The following TPH1 variants were observed in gnomAD, a reference collection of about 807,000 sequenced individuals.
TPH1 encodes the protein tryptophan hydroxylase 1, also known as tryptophan 5-hydroxylase 1.
Under a neutral mutation model 49.5 loss-of-function variants are expected in TPH1, and 37 were observed. That is an observed-to-expected ratio of 0.75 (90% CI 0.58 to 0.98). TPH1 has a LOEUF of 0.98. Ranked by LOEUF, TPH1 falls within the 50% of genes least tolerant of loss-of-function variation. The probability of loss-of-function intolerance (pLI) is 0.00; values close to 1 mark genes in which losing one functional copy is unlikely to be tolerated. For missense variants in TPH1, 487 were observed against 523.6 expected, an observed-to-expected ratio of 0.93 and a Z score of 0.68; for synonymous variants, 160 against 182.1, an observed-to-expected ratio of 0.88 and a Z score of 0.98.
chr11:18,023,982 C>A lies in TPH1; in HGVS notation c.932G>T (p.Cys311Phe). 1 of 1,607,416 alleles carries A rather than the reference C, an allele frequency of 6.2e-7. No homozygotes were observed. Among genetic ancestry groups the A allele is most frequent in the South Asian group, 1.1e-5 (1 of 90,946 alleles). ...ACCAAACTCCACAGTGAAAAAGTAG[C>A]ACTGCAAAAGAACATCAATATTATT... ...SEEAVQKLAT[C>F]YFFTVEFGLC... Residue 311 changes from cysteine to phenylalanine, a missense_variant and splice_region_variant, in exon 9 of 11, where the codon TGC (cysteine) becomes TTC (phenylalanine). By Grantham distance (205) the Cys-to-Phe change is radical. Transcript: ENST00000682019.
rs761656510 is a variant in TPH1 at position 18,029,513 on chromosome 11, G to C, written c.469C>G (p.His157Asp). The change falls in exon 5 of 11, where the codon CAT becomes GAT. Residue 157 changes from histidine (H) to aspartate (D), a missense_variant and splice_region_variant. Coordinates refer to ENST00000682019, the MANE Select transcript of TPH1 (RefSeq NM_004179.3). ...CTATATTTTTTTAAATATACTTACT[G>C]TTTATAGTTCATAGCCAAGTCCGCA... is the stretch of plus-strand genomic sequence containing the variant. ...YFADLAMNYKHGDPIPKVEFT... is the reference protein window; with the variant it reads ...YFADLAMNYKDGDPIPKVEFT... 1 of 1,608,872 alleles carries C rather than the reference G, an allele frequency of 6.2e-7. No individual in the cohort carries two copies. The highest frequency in any genetic ancestry group is 1.1e-5 in the South Asian group (1 of 90,702).
At chr11:18,030,440 A>G (rs1847976366) in intron 4 of TPH1, among the ~76,000 whole-genome samples, 1 of 151,962 alleles carries the variant, frequency 6.6e-6, no homozygotes, top group South Asian at 2.1e-4. Flanking sequence ...AAAAAATCAA[A>G]AATCAAAGCC....
At chr11:18,026,709 A>G in intron 6 of TPH1, 84 bp from the exon 7 acceptor site, 2 of 1,527,804 alleles carry the variant, frequency 1.3e-6, no homozygotes, top group Admixed American at 3.4e-5. Context: ...AGTGGCACCA[A>G]GTAACACGTT....
intron 1 of TPH1, among the ~76,000 whole-genome samples, chr11:18,042,769 T>C (rs1848110050): frequency 6.6e-6 from 1 of 152,208 alleles, no homozygotes. Flanking sequence ...AGTAATGAAA[T>C]AGACATTCTA....
At chr11:18,036,607 T>A (rs1269646958) in intron 2 of TPH1, among the ~76,000 whole-genome samples, 1 of 152,168 alleles carries the variant, frequency 6.6e-6, no homozygotes, top group Non-Finnish European at 1.5e-5. Flanking sequence ...TAAGCTACAA[T>A]CTTAGTAACA....
intron 7 of TPH1, among the ~76,000 whole-genome samples, chr11:18,025,944 A>G (rs1847924786): frequency 6.6e-6 from 1 of 151,958 alleles, no homozygotes; most frequent in East Asian, 1.9e-4. Flanking sequence ...TCCCAAAACC[A>G]CAACCCCCAA....
chr11:18,033,286 A>C lies in TPH1; in HGVS notation c.390T>G (p.Asp130Glu). 1 of 1,613,506 alleles carries C rather than the reference A, an allele frequency of 6.2e-7. No individual in the cohort carries two copies. Among genetic ancestry groups the C allele is most frequent in the Non-Finnish European group, 8.5e-7 (1 of 1,179,424 alleles). The change falls in exon 4 of 11, where the codon GAT becomes GAG. Residue 130 changes from aspartate to glutamate, a missense_variant. Coordinates refer to ENST00000682019, the MANE Select transcript of TPH1 (RefSeq NM_004179.3). ...AGAAAATACTTACAGGATGGTCTGCATCTAGTTCAGATCCATACATCAGAA... is the reference window on the plus strand; with the variant it reads ...AGAAAATACTTACAGGATGGTCTGCCTCTAGTTCAGATCCATACATCAGAA... ...NRVLMYGSEL[D>E]ADHPGFKDNV...
At chr11:18,027,626 C>G (rs1196853606) in intron 6 of TPH1, among the ~76,000 whole-genome samples, 1 of 152,200 alleles carries the variant, frequency 6.6e-6, no homozygotes, top group Non-Finnish European at 1.5e-5. Flanking sequence ...TTTTCAGCAG[C>G]ACATTCTGCA....
rs755262558 is a variant in TPH1, at chr11:18,035,985, G to A, written c.275C>T (p.Pro92Leu). The A allele has an allele frequency of 1.2e-6, 2 of 1,611,922 alleles. No homozygotes were observed. The highest frequency in any genetic ancestry group is 2.2e-5 in the South Asian group (2 of 90,988). Reference sequence around the variant, plus strand: ...ATCTTCCTTCAAAGTAAAATTATCTGGTAGATTCACAGAGAGAACATTGGT... The same window carrying A: ...ATCTTCCTTCAAAGTAAAATTATCTAGTAGATTCACAGAGAGAACATTGGT... Reference protein sequence around the residue: ...SHTNVLSVNLPDNFTLKEDGM... With the variant: ...SHTNVLSVNLLDNFTLKEDGM... Residue 92 changes from proline to leucine, a missense_variant, in exon 3 of 11, where the codon CCA becomes CTA. Transcript: ENST00000682019.
At chr11:18,038,901 A>T (rs891310750) in intron 2 of TPH1, among the ~76,000 whole-genome samples, 1 of 152,158 alleles carries the variant, frequency 6.6e-6, no homozygotes, top group African/African-American at 2.4e-5. Context: ...ATTTGGAAGG[A>T]CTGGGAGAGG....
Position 18,040,727 on chromosome 11 carries a change from G to A in TPH1, c.36C>T (p.Ser12=), listed in dbSNP as rs200040731. 1 of 1,612,280 alleles carries A rather than the reference G, an allele frequency of 6.2e-7. No homozygotes were observed. The highest frequency in any genetic ancestry group is 8.5e-7 in the Non-Finnish European group (1 of 1,179,106). The change falls in exon 2 of 11, where the codon TCC becomes TCT. Residue 12 remains serine, a synonymous_variant. Transcript: ENST00000682019. ...TGAGACTTGCTCTTCCCCTTTCTAA[G>A]GAATGGTCTTTGTTCTCCTTATTGT... ...IEDNKENKDH[S]LERGRASLIF... is the part of the protein sequence containing the mutation.
At chr11:18,029,046 C>T (rs12279367) in intron 6 of TPH1, 119 bp downstream of exon 6, 1 of 713,862 alleles carries the variant, frequency 1.4e-6, no homozygotes, top group Non-Finnish European at 2.3e-6. Context: ...CATCACTGTA[C>T]TCCAGCCTGG....
intron 4 of TPH1, among the ~76,000 whole-genome samples, chr11:18,032,043 A>G (rs1847995870): frequency 6.6e-6 from 1 of 152,192 alleles, no homozygotes; most frequent in African/African-American, 2.4e-5. Flanking sequence ...ATAAGATTAT[A>G]GAATAATTGG....
chr11:18,037,876 C>T (rs1047931187), intron 2 of TPH1, among the ~76,000 whole-genome samples: 1 of 152,156 alleles, frequency 6.6e-6, no homozygotes, highest in African/African-American at 2.4e-5. Flanking sequence ...AGTGTCAGAG[C>T]CGGAATTCAA....
At chr11:18,028,445 A>G (rs1847951431) in intron 6 of TPH1, among the ~76,000 whole-genome samples, 1 of 152,192 alleles carries the variant, frequency 6.6e-6, no homozygotes, top group South Asian at 2.1e-4. Context: ...GATATTCTCT[A>G]TTCTAGGCCA....
intron 8 of TPH1, among the ~76,000 whole-genome samples, chr11:18,025,187 T>C (rs1847916051): frequency 6.6e-6 from 1 of 152,194 alleles, no homozygotes. Flanking sequence ...TATTGGAAAA[T>C]AAAAGATAGA....
In TPH1 at chr11:18,019,563, C is replaced by T. The variant is rs537940397; in HGVS notation, c.*1428G>A. 4 of 441,362 alleles carry T rather than the reference C, an allele frequency of 9.1e-6. No individual in the cohort carries two copies. Among genetic ancestry groups the T allele is most frequent in the Admixed American group, 2.5e-5 (1 of 40,280 alleles). The allele number at this position is 441,362 out of a possible 1,614,324, so 27.3% of individuals were successfully genotyped here. A position where few individuals can be genotyped will look rare whatever the true frequency, so the allele number is the denominator to read the frequency against. ...ACATCTACATAGACATCCAGGAGTTCGTTGGAATTAAGGGGCAAAAAAATT... is the reference window on the plus strand; with the variant it reads ...ACATCTACATAGACATCCAGGAGTTTGTTGGAATTAAGGGGCAAAAAAATT... On this transcript the variant is annotated 3_prime_UTR_variant, in exon 11 of 11. Coordinates refer to ENST00000682019, the MANE Select transcript of TPH1 (RefSeq NM_004179.3).
chr11:18,022,739 C>T, intron 10 of TPH1, 59 bp downstream of exon 10: 2 of 1,595,446 alleles, frequency 1.3e-6, no homozygotes, highest in Non-Finnish European at 1.7e-6. Flanking sequence ...TGACTTGTTA[C>T]CATAATGGGG....
chr11:18,024,233 C>A (rs891024652), intron 8 of TPH1, among the ~76,000 whole-genome samples: 7 of 152,136 alleles, frequency 4.6e-5, no homozygotes, highest in African/African-American at 1.4e-4. Flanking sequence ...TAGGTTATCA[C>A]TAGCTATATT....
Sources: allele counts gnomAD v4.1 joint callset (sites outside exome capture counted in the v4.1 genomes callset), GRCh38; gene constraint gnomAD v4.1.1; transcripts MANE v1.5; gene names NCBI Gene and HGNC (gene_info 2026-07-23, HGNC 2026-07-21).